CRACD: variants seen among roughly 807,000 people sequenced by gnomAD.
CRACD encodes the protein capping protein-inhibiting regulator of actin dynamics.
Under a neutral mutation model 106.8 loss-of-function variants are expected in CRACD, and 56 were observed. The observed-to-expected ratio is 0.52, with a 90% CI of 0.42 to 0.66. The LOEUF (loss-of-function observed/expected upper bound fraction) is 0.66. CRACD is among the 30% of genes least tolerant of loss of function. The probability of loss-of-function intolerance (pLI) is 0.00; values close to 1 mark genes in which losing one functional copy is unlikely to be tolerated. For missense variants in CRACD, 1,730 were observed against 1,623.2 expected, an observed-to-expected ratio of 1.07 and a Z score of -1.13; for synonymous variants, 754 against 670.8, an observed-to-expected ratio of 1.12 and a Z score of -1.92.
intron 1 of CRACD, among the ~76,000 whole-genome samples, chr4:56,102,096 T>A (rs1733792089): frequency 6.6e-6 from 1 of 152,164 alleles, no homozygotes; most frequent in South Asian, 2.1e-4. Flanking sequence ...GGGCATGCAT[T>A]TGTGGGTGGA....
intron 1 of CRACD, among the ~76,000 whole-genome samples, chr4:56,140,842 A>C (rs1735169735): frequency 6.6e-6 from 1 of 152,192 alleles, no homozygotes; most frequent in Non-Finnish European, 1.5e-5. Flanking sequence ...TCCTTCCATA[A>C]TGCAGTCCCA....
At chr4:56,316,923 G>C (rs1432200980) in intron 8 of CRACD, among the ~76,000 whole-genome samples, 2 of 152,162 alleles carry the variant, frequency 1.3e-5, no homozygotes. Flanking sequence ...AGAGCTTAAG[G>C]GTAATTGGAA....
At chr4:56,060,702 A>T (rs1732241759) in intron 1 of CRACD, among the ~76,000 whole-genome samples, 1 of 152,168 alleles carries the variant, frequency 6.6e-6, no homozygotes. Context: ...TCATATGTTG[A>T]AATCCTAAAC....
intron 3 of CRACD, among the ~76,000 whole-genome samples, chr4:56,287,977 G>C (rs192577821): frequency 3.0e-4 from 45 of 152,282 alleles, no homozygotes; most frequent in African/African-American, 9.9e-4. Context: ...CCTATTCAAA[G>C]CCTCTAGTCT....
chr4:56,153,961 T>C (rs1350008358), intron 1 of CRACD, among the ~76,000 whole-genome samples: 1 of 152,242 alleles, frequency 6.6e-6, no homozygotes, highest in Non-Finnish European at 1.5e-5. Context: ...CTGTTTCTTT[T>C]CTTCCTAGTA....
intron 1 of CRACD, among the ~76,000 whole-genome samples, chr4:56,152,076 C>T (rs1396433721): frequency 2.0e-5 from 3 of 148,882 alleles, no homozygotes; most frequent in African/African-American, 7.5e-5. Context: ...GTGGTGCGGT[C>T]TCGGCTCACT....
intron 2 of CRACD, among the ~76,000 whole-genome samples, chr4:56,234,375 C>T (rs1270962528): frequency 6.6e-6 from 1 of 152,166 alleles, no homozygotes; most frequent in African/African-American, 2.4e-5. Context: ...TGTGAAGGTT[C>T]ATCCATATTC....
At position 56,328,245 on chromosome 4, in the gene CRACD, T is replaced by C. The variant is rs1300843019; in HGVS notation, c.*441T>C. The C allele has an allele frequency of 6.0e-6, 3 of 496,308 alleles. No homozygotes were observed. The highest frequency in any genetic ancestry group is 3.3e-4 in the Middle Eastern group (1 of 3,048). The allele number at this position is 496,308 out of a possible 1,614,324, so 30.7% of individuals were successfully genotyped here. A position where few individuals can be genotyped will look rare whatever the true frequency, so the allele number is the denominator to read the frequency against. ...CATATGTCTGGGAATGTTTATCCTTTCTACAGTAATGGTGAAAGGATCATA... is the reference window on the plus strand; with the variant it reads ...CATATGTCTGGGAATGTTTATCCTTCCTACAGTAATGGTGAAAGGATCATA... On this transcript the variant is annotated 3_prime_UTR_variant, in exon 11 of 11. Coordinates refer to ENST00000682029, the MANE Select transcript of CRACD (RefSeq NM_001393381.1).
chr4:56,268,157 TA>T (rs1275640201), intron 2 of CRACD, among the ~76,000 whole-genome samples: 2 of 152,254 alleles, frequency 1.3e-5, no homozygotes, highest in African/African-American at 4.8e-5. Flanking sequence ...GTTGGTTAAA[TA>T]GATGAGTAAC....
chr4:56,083,328 A>G (rs184393456), intron 1 of CRACD, among the ~76,000 whole-genome samples: 1 of 152,348 alleles, frequency 6.6e-6, no homozygotes, highest in East Asian at 1.9e-4. Flanking sequence ...CCAGAAAAAT[A>G]TATTAGTGAC....
intron 1 of CRACD, among the ~76,000 whole-genome samples, chr4:56,074,276 C>A (rs558648116): frequency 6.6e-6 from 1 of 152,230 alleles, no homozygotes; most frequent in South Asian, 2.1e-4. Context: ...TTACTTTGGG[C>A]AGTATGACCA....
intron 1 of CRACD, among the ~76,000 whole-genome samples, chr4:56,152,157 C>T (rs1262169861): frequency 6.6e-6 from 1 of 151,288 alleles, no homozygotes; most frequent in Non-Finnish European, 1.5e-5. Context: ...CTACAGGTGC[C>T]TGCCACCACG....
At chr4:56,292,479 CAAG>C (rs945280562) in intron 3 of CRACD, among the ~76,000 whole-genome samples, 1 of 150,500 alleles carries the variant, frequency 6.6e-6, no homozygotes, top group African/African-American at 2.4e-5. Flanking sequence ...TTGAAGCCTT[CAAG>C]AAGATCAGGT....
intron 2 of CRACD, among the ~76,000 whole-genome samples, chr4:56,270,469 T>A (rs968675080): frequency 3.3e-5 from 5 of 152,176 alleles, no homozygotes; most frequent in African/African-American, 9.7e-5. Flanking sequence ...GATTCCTCTA[T>A]GGATCTGGCC....
rs150423281 is a variant in CRACD, at chr4:56,307,031, C to T, written c.121-504C>T. On this transcript the variant is annotated intron_variant, in intron 4 of 10. Transcript: ENST00000682029. ...AGCTAAGGGCTGGTGAGGAAGGCTGCGGAAGTATAAATCTTCAAAGTGAAT... is the reference window on the plus strand; with the variant it reads ...AGCTAAGGGCTGGTGAGGAAGGCTGTGGAAGTATAAATCTTCAAAGTGAAT... 1.1e-3 allele frequency among the ~76,000 whole-genome samples: 167 copies of T among 152,278 alleles called. 2 individuals carry two copies. The East Asian group carries it at 0.024, about 22-fold the overall frequency.
At chr4:56,095,766 T>A (rs958448022) in intron 1 of CRACD, among the ~76,000 whole-genome samples, 2 of 152,134 alleles carry the variant, frequency 1.3e-5, no homozygotes, top group Admixed American at 6.6e-5. Flanking sequence ...ATCCAACTTA[T>A]CGAGGTCACT....
chr4:56,084,623 G>A (rs1733153858), intron 1 of CRACD, among the ~76,000 whole-genome samples: 1 of 152,196 alleles, frequency 6.6e-6, no homozygotes. Context: ...TGGGCACTGA[G>A]CTATGTCTGA....
intron 2 of CRACD, among the ~76,000 whole-genome samples, chr4:56,199,565 C>T (rs188609577): frequency 6.6e-6 from 1 of 151,768 alleles, no homozygotes; most frequent in Admixed American, 6.6e-5. Context: ...ACCTGTAATC[C>T]CAGCTACTTG....
In CRACD at chr4:56,072,296, T is replaced by C. The variant is rs1732688390; in HGVS notation, c.-336+22997T>C. On this transcript the variant is annotated intron_variant, in intron 1 of 10. Coordinates refer to ENST00000682029, the MANE Select transcript of CRACD (RefSeq NM_001393381.1). ...TTCTACCTTTCGTGCTATAAAGGTT[T>C]TCATTAAAACTGAGTGAATGAATAG... 2.0e-5 allele frequency among the ~76,000 whole-genome samples: 3 copies of C among 152,340 alleles called. No individual in the cohort carries two copies. The South Asian group carries it at 6.2e-4, about 32-fold the overall frequency.
Sources: allele counts gnomAD v4.1 joint callset (sites outside exome capture counted in the v4.1 genomes callset), GRCh38; gene constraint gnomAD v4.1.1; transcripts MANE v1.5; gene names NCBI Gene and HGNC (gene_info 2026-07-23, HGNC 2026-07-21).